The following VEPH1 variants were observed in gnomAD, a reference collection of about 807,000 sequenced individuals.
The protein encoded by VEPH1 is ventricular zone expressed PH domain containing 1.
Under a neutral mutation model 85.2 loss-of-function variants are expected in VEPH1, and 80 were observed. The ratio of observed to expected loss-of-function variants is 0.94; its 90% CI spans 0.78 to 1.13. The LOEUF (loss-of-function observed/expected upper bound fraction) is 1.13, where lower values mean the gene tolerates loss of function less well. VEPH1 is among the 50% of genes most tolerant of loss of function. VEPH1 has a pLI of 0.00. For synonymous variants in VEPH1, 297 were observed against 348.0 expected (o/e 0.85, Z 1.63); for missense variants, 955 against 980.5 (o/e 0.97, Z 0.35).
At position 157,313,733 on chromosome 3, in the gene VEPH1, G is replaced by C. The variant is rs768281517; in HGVS notation, c.1898C>G (p.Ser633Cys). 2.5e-6 allele frequency: 4 copies of C among 1,614,144 alleles called. No homozygotes were observed. In the South Asian group the frequency reaches 4.4e-5, roughly 18 times the overall value. ...GAATTGCACAGAATGACTCTGAATG[G>C]ACAGGGGTTCAGGAAACAGGCTCTG... is the stretch of plus-strand genomic sequence containing the variant. ...FQQSLFPEPL[S>C]IQSHSVQFLR... Residue 633 changes from serine (S) to cysteine (C), a missense_variant, in exon 11 of 14, where the codon TCC becomes TGC. Transcript: ENST00000362010.
chr3:157,361,223 A>G (rs568341608), intron 9 of VEPH1, among the ~76,000 whole-genome samples: 3 of 152,250 alleles, frequency 2.0e-5, no homozygotes, highest in Non-Finnish European at 4.4e-5. Flanking sequence ...AATATAAGCA[A>G]TCTTTTATTG....
At chr3:157,478,024 T>A (rs1327943734) in intron 2 of VEPH1, among the ~76,000 whole-genome samples, 1 of 152,194 alleles carries the variant, frequency 6.6e-6, no homozygotes, top group Non-Finnish European at 1.5e-5. Flanking sequence ...TGATGATACA[T>A]TGCCCAAATC....
Position 157,304,038 on chromosome 3 carries a change from T to TATATATATATATATATATATATACACAC in VEPH1, c.2010+9582_2010+9583insGTGTGTATATATATATATATATATATAT. ...CTTATATTTTTTATATATATATATA[T>TATATATATATATATATATATATACACAC]ACACACATACTGTTACATCTTATAT... On this transcript the variant is annotated intron_variant, in intron 11 of 13. Transcript: ENST00000362010. Among the ~76,000 whole-genome samples the TATATATATATATATATATATATACACAC allele has an allele frequency of 3.6e-3, 349 of 96,840 alleles. 29 individuals are homozygous for TATATATATATATATATATATATACACAC. The highest frequency in any genetic ancestry group is 5.7e-3 in the Non-Finnish European group (238 of 42,028). 63.5% of individuals were successfully genotyped at this position (96,840 alleles called of 152,430 possible).
At chr3:157,457,389 T>C (rs983161952) in intron 4 of VEPH1, among the ~76,000 whole-genome samples, 6 of 152,212 alleles carry the variant, frequency 3.9e-5, no homozygotes, top group Admixed American at 3.9e-4. Context: ...TCTTTCATGA[T>C]TGCTCTGGCC....
chr3:157,355,553 C>T (rs945128879), intron 9 of VEPH1, among the ~76,000 whole-genome samples: 15 of 152,166 alleles, frequency 9.9e-5, no homozygotes, highest in East Asian at 1.9e-4. Flanking sequence ...CATTCTTGTG[C>T]GTTGAGGCTT....
chr3:157,353,927 C>G (rs575191009), intron 9 of VEPH1, among the ~76,000 whole-genome samples: 1 of 152,090 alleles, frequency 6.6e-6, no homozygotes, highest in East Asian at 1.9e-4. Context: ...GAAGAATGAA[C>G]AAGATGAAGA....
intron 4 of VEPH1, among the ~76,000 whole-genome samples, chr3:157,430,902 C>A (rs1403274099): frequency 3.3e-5 from 5 of 152,174 alleles, no homozygotes; most frequent in Admixed American, 2.6e-4. Flanking sequence ...TGACATAAGT[C>A]TCCCTAAGTT....
chr3:157,300,643 A>G (rs1174993384), intron 11 of VEPH1, among the ~76,000 whole-genome samples: 1 of 152,242 alleles, frequency 6.6e-6, no homozygotes, highest in Non-Finnish European at 1.5e-5. Context: ...AAAGGAGATA[A>G]GAGGATTAAA....
At chr3:157,371,914 A>G (rs1228188041) in intron 7 of VEPH1, among the ~76,000 whole-genome samples, 1 of 152,208 alleles carries the variant, frequency 6.6e-6, no homozygotes, top group Non-Finnish European at 1.5e-5. Flanking sequence ...TAGCCTTAAC[A>G]GAAGACGGCC....
At chr3:157,419,085 A>G (rs990244386) in intron 5 of VEPH1, among the ~76,000 whole-genome samples, 12 of 152,166 alleles carry the variant, frequency 7.9e-5, no homozygotes, top group African/African-American at 2.4e-4. Context: ...GGGGGAAAGG[A>G]TTTTCTATTC....
chr3:157,319,334 A>G (rs551629313), intron 9 of VEPH1, among the ~76,000 whole-genome samples: 3 of 152,202 alleles, frequency 2.0e-5, no homozygotes, highest in Non-Finnish European at 4.4e-5. Context: ...AGAGTGCTTG[A>G]AGCCTCAGTG....
chr3:157,389,836 C>A (rs1310026733), intron 6 of VEPH1, among the ~76,000 whole-genome samples: 2 of 152,148 alleles, frequency 1.3e-5, no homozygotes, highest in Non-Finnish European at 2.9e-5. Flanking sequence ...GATGCAAGAT[C>A]AGCTTTACTG....
intron 4 of VEPH1, among the ~76,000 whole-genome samples, chr3:157,452,205 G>A (rs1735026118): frequency 6.6e-6 from 1 of 152,118 alleles, no homozygotes; most frequent in Non-Finnish European, 1.5e-5. Context: ...CAGCCAAGCA[G>A]AGCGGGGGTC....
intron 11 of VEPH1, among the ~76,000 whole-genome samples, chr3:157,306,853 T>C (rs1469619475): frequency 2.6e-5 from 4 of 152,014 alleles, no homozygotes; most frequent in African/African-American, 9.7e-5. Flanking sequence ...TGTAGTTTTT[T>C]AGCTTCCAAG....
intron 3 of VEPH1, among the ~76,000 whole-genome samples, chr3:157,460,890 C>T (rs1455625738): frequency 6.6e-6 from 1 of 151,834 alleles, no homozygotes; most frequent in Non-Finnish European, 1.5e-5. Context: ...TAAACAGGGG[C>T]ATGATTATGA....
intron 4 of VEPH1, among the ~76,000 whole-genome samples, chr3:157,429,655 C>T (rs146449411): frequency 9.9e-4 from 150 of 152,142 alleles, no homozygotes; most frequent in African/African-American, 3.4e-3. Flanking sequence ...AGGTTGTGTT[C>T]GTCAGTATTT....
chr3:157,302,708 A>G (rs1195039462), intron 11 of VEPH1, among the ~76,000 whole-genome samples: 3 of 152,216 alleles, frequency 2.0e-5, no homozygotes, highest in Non-Finnish European at 4.4e-5. Context: ...AAACTGAACT[A>G]AGGACTGCTG....
chr3:157,263,205 T>G (rs954876659), intron 13 of VEPH1, among the ~76,000 whole-genome samples: 2 of 152,160 alleles, frequency 1.3e-5, no homozygotes, highest in Non-Finnish European at 2.9e-5. Flanking sequence ...GGTTATTGTT[T>G]CCCTGGAGAT....
intron 3 of VEPH1, among the ~76,000 whole-genome samples, chr3:157,464,663 A>G (rs1736199768): frequency 6.6e-6 from 1 of 152,214 alleles, no homozygotes; most frequent in East Asian, 1.9e-4. Context: ...CTAGATTAGC[A>G]CCAATTTGAA....
Sources: gnomAD v4.1 joint callset for allele counts (sites outside exome capture counted in the v4.1 genomes callset) on GRCh38, gnomAD v4.1.1 for gene constraint, MANE v1.5 for transcripts, NCBI Gene and HGNC (gene_info 2026-07-23, HGNC 2026-07-21) for gene names.